CLGN: variants seen among roughly 807,000 people sequenced by gnomAD.
CLGN encodes calmegin.
In CLGN, 62 loss-of-function variants were observed where a neutral mutation model predicts 79.1. The observed-to-expected ratio is 0.78, with a 90% CI of 0.64 to 0.97. The LOEUF is 0.97. Ranked by LOEUF, CLGN falls within the 50% of genes least tolerant of loss-of-function variation. The pLI, the probability that CLGN is intolerant of heterozygous loss-of-function variation, is 0.00. For missense variants in CLGN, 647 were observed against 715.5 expected, an observed-to-expected ratio of 0.90 and a Z score of 1.09; for synonymous variants, 225 against 224.7, an observed-to-expected ratio of 1.00 and a Z score of -0.01.
intron 2 of CLGN, among the ~76,000 whole-genome samples, chr4:140,412,521 T>C (rs1729233182): frequency 6.6e-6 from 1 of 152,036 alleles, no homozygotes; most frequent in Non-Finnish European, 1.5e-5. Flanking sequence ...TTCTAATTCA[T>C]CCTCCTTCTT....
At chr4:140,395,680 T>C in intron 10 of CLGN, 139 bp downstream of exon 10, 1 of 558,312 alleles carries the variant, frequency 1.8e-6, no homozygotes, top group Non-Finnish European at 2.8e-6. Context: ...AAAATATAAA[T>C]TAGTTGAGGT....
rs903630887 is a variant in CLGN, at chr4:140,392,727, G to A, written c.1366-16C>T. 6.5e-7 allele frequency: 1 copy of A among 1,542,062 alleles called. No individual in the cohort carries two copies. Among genetic ancestry groups the A allele is most frequent in the Non-Finnish European group, 8.7e-7 (1 of 1,149,850 alleles). ...ATACACCAGGCTATAGACGAGATAA[G>A]CATAAAAATGCAATTCAAATTTTAC... On this transcript the variant is annotated splice_polypyrimidine_tract_variant and intron_variant, in intron 11 of 14. Transcript: ENST00000325617.
At chr4:140,422,193 G>C (rs1051337911) in intron 1 of CLGN, among the ~76,000 whole-genome samples, 1 of 152,146 alleles carries the variant, frequency 6.6e-6, no homozygotes, top group Non-Finnish European at 1.5e-5. Flanking sequence ...TTTGTAATAA[G>C]TTTTGAAACA....
intron 14 of CLGN, among the ~76,000 whole-genome samples, chr4:140,389,557 C>G (rs1393129805): frequency 3.3e-5 from 5 of 151,662 alleles, no homozygotes; most frequent in African/African-American, 1.2e-4. Context: ...CGAAGGTACA[C>G]AAAATATTTT....
Position 140,406,042 on chromosome 4 carries a change from C to T in CLGN, c.319G>A (p.Gly107Ser), listed in dbSNP as rs1177111168. 3.7e-6 allele frequency: 6 copies of T among 1,613,056 alleles called. 1 individual carries two copies. The African/African-American group carries it at 6.7e-5, about 18-fold the overall frequency. The change falls in exon 5 of 15, where the codon GGT becomes AGT. Residue 107 changes from glycine (G) to serine (S), a missense_variant. Transcript: ENST00000325617. The part of the protein sequence containing the change: ...IEELKENQVP[G>S]DRGLVLKSRA... ...GATTTTAATACCAGTCCTCTGTCAC[C>T]AGGTACCTGGTTTTCTTTCAACTCT...
intron 13 of CLGN, 123 bp downstream of exon 13, chr4:140,392,096 T>C: frequency 8.5e-7 from 1 of 1,175,576 alleles, no homozygotes; most frequent in Non-Finnish European, 1.2e-6. Flanking sequence ...TCACATATTC[T>C]TGGGAGATTC....
chr4:140,417,732 C>G (rs1431361760), intron 1 of CLGN, among the ~76,000 whole-genome samples: 2 of 151,700 alleles, frequency 1.3e-5, no homozygotes, highest in Non-Finnish European at 2.9e-5. Flanking sequence ...ACATTCCATG[C>G]TCATGGGTAG....
At chr4:140,400,587 C>G in intron 6 of CLGN, 38 bp from the exon 7 acceptor site, 1 of 1,325,470 alleles carries the variant, frequency 7.5e-7, no homozygotes, top group Non-Finnish European at 1.1e-6. Flanking sequence ...AGTCCAGAAT[C>G]ACAGACTATT....
chr4:140,427,163 A>T (rs1729584428), intron 1 of CLGN, among the ~76,000 whole-genome samples: 1 of 152,096 alleles, frequency 6.6e-6, no homozygotes, highest in Non-Finnish European at 1.5e-5. Context: ...CGCTGGAATA[A>T]CGGCCTCGGC....
rs182915553 is a variant in CLGN, at chr4:140,394,227, T to C, written c.1150-186A>G. The stretch of plus-strand genomic sequence containing the variant: ...GTTTCTTTTGCTGTGTACACAATGT[T>C]CCCTACGAGTGATACTAACTTTAAA... On this transcript the variant is annotated intron_variant, in intron 10 of 14. Transcript: ENST00000325617. 4.7e-4 allele frequency among the ~76,000 whole-genome samples: 72 copies of C among 152,302 alleles called. 2 individuals carry two copies. In the East Asian group the frequency reaches 0.012, roughly 26 times the overall value.
rs188094706 is a variant in CLGN, at chr4:140,421,279, T to G, written c.-10+6258A>C. Among the ~76,000 whole-genome samples, 496 of 152,268 alleles carry G rather than the reference T, an allele frequency of 3.3e-3. 5 individuals are homozygous for G. Among genetic ancestry groups the G allele is most frequent in the African/African-American group, 0.011 (468 of 41,560 alleles). On this transcript the variant is annotated intron_variant, in intron 1 of 14. Coordinates refer to ENST00000325617, the MANE Select transcript of CLGN (RefSeq NM_004362.3). ...CAATGAATATGGGTATACAAATAAC[T>G]CTTCGAGACCTTGTTTTCAATTCTT...
chr4:140,390,066 T>C (rs1200817668), intron 14 of CLGN, among the ~76,000 whole-genome samples: 1 of 151,468 alleles, frequency 6.6e-6, no homozygotes, highest in Non-Finnish European at 1.5e-5. Context: ...GGATTTCTCA[T>C]TCCATAATAA....
At chr4:140,392,123 T>G in intron 13 of CLGN, 96 bp downstream of exon 13, 1 of 1,365,202 alleles carries the variant, frequency 7.3e-7, no homozygotes, top group Non-Finnish European at 1.0e-6. Context: ...ATAAACTTGA[T>G]AATAAACAAG....
intron 7 of CLGN, among the ~76,000 whole-genome samples, chr4:140,399,691 C>G (rs1055052941): frequency 2.1e-4 from 32 of 152,088 alleles, no homozygotes; most frequent in African/African-American, 7.5e-4. Context: ...CTATTAGGTT[C>G]CAATATGCTC....
At chr4:140,420,037 A>G (rs1174513359) in intron 1 of CLGN, among the ~76,000 whole-genome samples, 1 of 152,136 alleles carries the variant, frequency 6.6e-6, no homozygotes. Context: ...ATAAAATAAT[A>G]CTACTAATAA....
intron 7 of CLGN, among the ~76,000 whole-genome samples, chr4:140,399,421 T>C (rs1728955310): frequency 6.6e-6 from 1 of 152,238 alleles, no homozygotes; most frequent in South Asian, 2.1e-4. Context: ...AACAAAAAAT[T>C]AATTTATTCT....
At chr4:140,418,873 A>C (rs1162795936) in intron 1 of CLGN, among the ~76,000 whole-genome samples, 3 of 152,186 alleles carry the variant, frequency 2.0e-5, no homozygotes, top group Admixed American at 2.0e-4. Flanking sequence ...AAAGGACTCT[A>C]AATCATGCTG....
At chr4:140,412,055 A>ATTATT (rs1339891836) in intron 2 of CLGN, among the ~76,000 whole-genome samples, 1 of 152,142 alleles carries the variant, frequency 6.6e-6, no homozygotes, top group Admixed American at 6.5e-5. Context: ...AACTGTATCC[A>ATTATT]AGTCAGTAAT....
rs1446520399 is a variant in CLGN, at chr4:140,402,075, A to G, written c.420-9T>C. The G allele has an allele frequency of 1.4e-6, 2 of 1,451,250 alleles. No individual in the cohort carries two copies. Among genetic ancestry groups the G allele is most frequent in the Non-Finnish European group, 1.9e-6 (2 of 1,051,404 alleles). 89.9% of individuals were successfully genotyped at this position (1,451,250 alleles called of 1,614,324 possible). Reference sequence around the variant, plus strand: ...GAAAATTTACTTCATATCTGAATAAAGGGAAAAAGAACCGTACTACTGATA... The same window carrying G: ...GAAAATTTACTTCATATCTGAATAAGGGGAAAAAGAACCGTACTACTGATA... On this transcript the variant is annotated splice_polypyrimidine_tract_variant and intron_variant, in intron 5 of 14. Transcript: ENST00000325617.
Sources: allele counts gnomAD v4.1 joint callset (sites outside exome capture counted in the v4.1 genomes callset), GRCh38; gene constraint gnomAD v4.1.1; transcripts MANE v1.5; gene names NCBI Gene and HGNC (gene_info 2026-07-23, HGNC 2026-07-21).